Variants in SLC35D4 observed in about 807,000 individuals in gnomAD.
The protein encoded by SLC35D4 is UDP-N-acetylglucosamine transporter SLC35D4.
the SLC35D4 span, among the ~76,000 whole-genome samples, chr18:23,359,510 G>A: frequency 3.0e-4 from 46 of 152,278 alleles, no homozygotes; most frequent in African/African-American, 9.6e-4. Context: ...CTGAGTGAGC[G>A]AGTGAATCCC....
At chr18:23,382,894 C>T in the SLC35D4 span, among the ~76,000 whole-genome samples, 1 of 152,192 alleles carries the variant, frequency 6.6e-6, no homozygotes, top group East Asian at 1.9e-4. Context: ...TCCTCAGTCC[C>T]AGCAAGGCAG....
At chr18:23,416,578 A>T in the SLC35D4 span, among the ~76,000 whole-genome samples, 1 of 152,182 alleles carries the variant, frequency 6.6e-6, no homozygotes, top group Admixed American at 6.6e-5. Flanking sequence ...TCTGCTAAAC[A>T]TCTGGTAACG....
chr18:23,356,702 G>A, the SLC35D4 span: 1 of 1,598,742 alleles, frequency 6.3e-7, no homozygotes, highest in Non-Finnish European at 8.6e-7. This position sits in a 1 kb window ranked among gnomAD's most constrained non-coding sequence, Gnocchi z 4.1. Context: ...GACCCATGAG[G>A]CCTCACATGA....
the SLC35D4 span, among the ~76,000 whole-genome samples, chr18:23,329,285 G>A: frequency 6.6e-6 from 1 of 152,062 alleles, no homozygotes. Flanking sequence ...CAGAATGGGA[G>A]AAAATTTTTG....
chr18:23,379,004 C>T, the SLC35D4 span, among the ~76,000 whole-genome samples: 1 of 152,196 alleles, frequency 6.6e-6, no homozygotes, highest in African/African-American at 2.4e-5. Flanking sequence ...CGAGGCCAAC[C>T]GTGCTGTACT....
At chr18:23,368,414 G>A in the SLC35D4 span, among the ~76,000 whole-genome samples, 1 of 152,210 alleles carries the variant, frequency 6.6e-6, no homozygotes, top group Non-Finnish European at 1.5e-5. Context: ...GGGATTCAAG[G>A]ACACAATCTA....
the SLC35D4 span, among the ~76,000 whole-genome samples, chr18:23,371,043 TTCCCTCCCTCCTTCCCACCC>T: frequency 6.6e-6 from 1 of 151,788 alleles, no homozygotes; most frequent in East Asian, 1.9e-4. Context: ...TCAAGTAAGC[TTCCCTCCCTCCTTCCCACCC>T]TCCCTCTCTC....
chr18:23,246,543 C>T, the SLC35D4 span, among the ~76,000 whole-genome samples: 8 of 151,900 alleles, frequency 5.3e-5, no homozygotes, highest in African/African-American at 9.7e-5. Context: ...AGGCACCCGC[C>T]ACCACACCCG....
the SLC35D4 span, among the ~76,000 whole-genome samples, chr18:23,328,030 A>G: frequency 9.7e-3 from 1,484 of 152,308 alleles, 21 homozygotes; most frequent in African/African-American, 0.034. Flanking sequence ...CTCTCAATAA[A>G]TTAGGTATTG....
the SLC35D4 span, chr18:23,297,322 C>A: frequency 6.6e-6 from 1 of 151,996 alleles, no homozygotes; most frequent in Admixed American, 6.6e-5. Context: ...GAGTTTGAGA[C>A]CAGCCTGGCC....
chr18:23,247,237 G>A, the SLC35D4 span, among the ~76,000 whole-genome samples: 1 of 152,248 alleles, frequency 6.6e-6, no homozygotes, highest in Non-Finnish European at 1.5e-5. Flanking sequence ...AAGACAGGAT[G>A]TGCCGGAGAA....
the SLC35D4 span, chr18:23,385,056 C>T: frequency 3.1e-6 from 5 of 1,613,098 alleles, no homozygotes; most frequent in African/African-American, 6.7e-5. Flanking sequence ...AAGTGAGAAA[C>T]ACAGGAATGG....
chr18:23,286,815 G>A, the SLC35D4 span, among the ~76,000 whole-genome samples: 3 of 151,906 alleles, frequency 2.0e-5, no homozygotes, highest in African/African-American at 7.3e-5. Flanking sequence ...TCCCTTATTA[G>A]GCCGAGACAC....
the SLC35D4 span, among the ~76,000 whole-genome samples, chr18:23,371,935 G>GTTTTTTTTTTTTTTTTTTTTTTT: frequency 5.4e-4 from 19 of 35,476 alleles, 6 homozygotes; most frequent in Non-Finnish European, 6.4e-4. Flanking sequence ...TGTTTTTTTT[G>GTTTTTTTTTTTTTTTTTTTTTTT]TTTTTTTTTT....
chr18:23,240,928 A>G, the SLC35D4 span, among the ~76,000 whole-genome samples: 1 of 152,176 alleles, frequency 6.6e-6, no homozygotes, highest in East Asian at 1.9e-4. Context: ...TTTACAGACA[A>G]TCAGATGCAC....
the SLC35D4 span, among the ~76,000 whole-genome samples, chr18:23,342,795 A>C: frequency 6.6e-6 from 1 of 152,216 alleles, no homozygotes; most frequent in African/African-American, 2.4e-5. Context: ...CATGGTTTCA[A>C]TTTGCATTTC....
chr18:23,359,383 C>CAA, the SLC35D4 span, among the ~76,000 whole-genome samples: 445 of 92,724 alleles, frequency 4.8e-3, 11 homozygotes, highest in East Asian at 0.064. Context: ...GACTCCATCT[C>CAA]AAAAAAAAAA....
chr18:23,435,421 A>C, the SLC35D4 span, among the ~76,000 whole-genome samples: 1 of 152,332 alleles, frequency 6.6e-6, no homozygotes, highest in African/African-American at 2.4e-5. Flanking sequence ...CGCTAGACAA[A>C]TTAGAAGAGT....
chr18:23,401,753 T>C, the SLC35D4 span, among the ~76,000 whole-genome samples: 1 of 152,196 alleles, frequency 6.6e-6, no homozygotes. Flanking sequence ...GTGTACTCCA[T>C]GCCCTCTTAA....
Sources: gnomAD v4.1 joint callset for allele counts (sites outside exome capture counted in the v4.1 genomes callset) on GRCh38, gnomAD v4.1.1 for gene constraint, Gnocchi (gnomAD v3.1) non-coding constraint, MANE v1.5 for transcripts, NCBI Gene and HGNC (gene_info 2026-07-23, HGNC 2026-07-21) for gene names.